LRRC37A3: variants seen among roughly 807,000 people sequenced by gnomAD.
LRRC37A3 encodes the protein leucine rich repeat containing 37 member A3.
LRRC37A3 carries 25 observed loss-of-function variants against 106.2 expected under a neutral mutation model. The ratio of observed to expected loss-of-function variants is 0.24; its 90% CI spans 0.17 to 0.33. The LOEUF (loss-of-function observed/expected upper bound fraction) is 0.33. LRRC37A3 is among the 10% of genes least tolerant of loss of function. The pLI, the probability that LRRC37A3 is intolerant of heterozygous loss-of-function variation, is 1.00. For synonymous variants in LRRC37A3, 305 were observed against 635.8 expected (o/e 0.48, Z 7.83); for missense variants, 712 against 1,644.9 (o/e 0.43, Z 9.81).
Position 64,860,186 on chromosome 17 carries a change from C to T in LRRC37A3, c.3960G>A (p.Lys1320=), listed in dbSNP as rs1173908186. The T allele has an allele frequency of 6.2e-7, 1 of 1,613,918 alleles. No homozygotes were observed. The highest frequency in any genetic ancestry group is 1.1e-5 in the South Asian group (1 of 91,076). The part of the protein sequence containing the change: ...TRSRMTHRTP[K]VKKSPKVRKK... ...TTCTGACCTTTGGACTCTTTTTGAC[C>T]TTGGGTGTTCTGTGGGTCATGCGGG... Residue 1320 remains lysine (K), a synonymous_variant, in exon 12 of 15, where the codon AAG becomes AAA. Coordinates refer to ENST00000584306, the MANE Select transcript of LRRC37A3 (RefSeq NM_199340.5).
intron 8 of LRRC37A3, among the ~76,000 whole-genome samples, chr17:64,875,118 A>C (rs1216089022): frequency 6.6e-6 from 1 of 152,164 alleles, no homozygotes; most frequent in Non-Finnish European, 1.5e-5. Context: ...AAACAAAAAC[A>C]ACAACAAAAA....
chr17:64,854,499 T>C lies in LRRC37A3; in HGVS notation c.*100A>G, dbSNP rs933545725. ...CTGTGCTTGCTCTGCCCGCTGCCTC[T>C]GTGGATGTGTGGGCCGCTGGCTTCA... On this transcript the variant is annotated 3_prime_UTR_variant, in exon 15 of 15. Transcript: ENST00000584306. 46 of 1,555,914 alleles carry C rather than the reference T, an allele frequency of 3.0e-5. No homozygotes were observed. Among genetic ancestry groups the C allele is most frequent in the Non-Finnish European group, 3.9e-5 (44 of 1,128,890 alleles).
chr17:64,898,953 C>G (rs1456549144), intron 2 of LRRC37A3: 1 of 612,228 alleles, frequency 1.6e-6, no homozygotes, highest in Non-Finnish European at 2.0e-6. Flanking sequence ...TATACTTACA[C>G]AAACCTAGGT....
intron 10 of LRRC37A3, among the ~76,000 whole-genome samples, chr17:64,866,159 C>G (rs1973063102): frequency 6.6e-6 from 1 of 151,414 alleles, no homozygotes; most frequent in Non-Finnish European, 1.5e-5. Flanking sequence ...TTTTTCCTAT[C>G]CAATAATGGT....
intron 10 of LRRC37A3, among the ~76,000 whole-genome samples, chr17:64,866,668 T>G (rs1973120959): frequency 8.6e-6 from 1 of 116,442 alleles, no homozygotes; most frequent in African/African-American, 3.2e-5. Flanking sequence ...TCTTGCTCTG[T>G]CACCCAAGCT....
intron 2 of LRRC37A3, among the ~76,000 whole-genome samples, chr17:64,913,433 C>T (rs1306220853): frequency 3.9e-5 from 6 of 152,016 alleles, no homozygotes; most frequent in South Asian, 4.1e-4. Flanking sequence ...ATCCAACTCC[C>T]GGATTCAAGT....
rs549097256 is a variant in LRRC37A3, at chr17:64,872,212, A to C, written c.2907-3046T>G. On this transcript the variant is annotated intron_variant, in intron 8 of 14. Coordinates refer to ENST00000584306, the MANE Select transcript of LRRC37A3 (RefSeq NM_199340.5). ...GCAACAAATACCAAAAAAATAGCCA[A>C]AAAAAAAAAAAAAAAAAAATTGACC... Among the ~76,000 whole-genome samples the C allele has an allele frequency of 5.0e-4, 64 of 127,496 alleles. 1 individual carries two copies. The South Asian group carries it at 0.013, about 26-fold the overall frequency. 83.6% of individuals were successfully genotyped at this position (127,496 alleles called of 152,430 possible).
intron 8 of LRRC37A3, among the ~76,000 whole-genome samples, chr17:64,876,357 A>T (rs1355807021): frequency 4.0e-5 from 6 of 151,676 alleles, no homozygotes; most frequent in South Asian, 2.1e-4. Flanking sequence ...TAACTTTTAA[A>T]TTTTTTTTGT....
intron 8 of LRRC37A3, among the ~76,000 whole-genome samples, chr17:64,870,211 C>T (rs1973267642): frequency 1.3e-5 from 2 of 152,060 alleles, no homozygotes; most frequent in East Asian, 3.9e-4. Flanking sequence ...CTGCCTTAGC[C>T]TCCCAAGTAG....
At position 64,855,889 on chromosome 17, in the gene LRRC37A3, T is replaced by C; in HGVS notation, c.4810A>G (p.Ile1604Val). The change falls in exon 14 of 15, where the codon ATC (isoleucine) becomes GTC (valine). Residue 1604 changes from isoleucine to valine, a missense_variant and splice_region_variant. Coordinates refer to ENST00000584306, the MANE Select transcript of LRRC37A3 (RefSeq NM_199340.5). ...TGTAATGACCTTCGGTGACAACAGA[T>C]CTGTTTTAGAAGAAAACGCAATTAA... ...ILIILLCLIE[I>V]CCHRRSLQED... The C allele has an allele frequency of 6.2e-7, 1 of 1,611,808 alleles. No individual in the cohort carries two copies. The highest frequency in any genetic ancestry group is 1.3e-5 in the African/African-American group (1 of 74,970).
intron 2 of LRRC37A3, among the ~76,000 whole-genome samples, chr17:64,901,596 AG>A (rs1243871981): frequency 2.8e-5 from 4 of 142,918 alleles, no homozygotes; most frequent in Admixed American, 2.7e-4. Context: ...CATACTAGGG[AG>A]GGGTAGACAA....
At chr17:64,904,347 C>T (rs542169899) in intron 2 of LRRC37A3, among the ~76,000 whole-genome samples, 8 of 152,360 alleles carry the variant, frequency 5.3e-5, no homozygotes, top group East Asian at 1.9e-4. Flanking sequence ...TGGTGGCGCA[C>T]GCCTGTAGTC....
intron 2 of LRRC37A3, among the ~76,000 whole-genome samples, chr17:64,915,856 G>C (rs1271945777): frequency 6.6e-6 from 1 of 152,170 alleles, no homozygotes; most frequent in African/African-American, 2.4e-5. Context: ...CCAGCACTTT[G>C]GGAGGCCAAG....
rs1301390353 is a variant in LRRC37A3 at position 64,883,000 on chromosome 17, T to TA, written c.2906+3085dup. Among the ~76,000 whole-genome samples the TA allele has an allele frequency of 2.0e-5, 3 of 150,944 alleles. No homozygotes were observed. In the East Asian group the frequency reaches 5.9e-4, roughly 30 times the overall value. On this transcript the variant is annotated intron_variant, in intron 8 of 14. Coordinates refer to ENST00000584306, the MANE Select transcript of LRRC37A3 (RefSeq NM_199340.5). ...GTATAGGAATGAAGGAGAAGCACTTTAAAGTCAGGGAAAAAATATAAACAT... is the reference window on the plus strand; with the variant it reads ...GTATAGGAATGAAGGAGAAGCACTTTAAAAGTCAGGGAAAAAATATAAACAT...
rs1352768930 is a variant in LRRC37A3 at position 64,897,358 on chromosome 17, G to T, written c.-101C>A. The T allele has an allele frequency of 1.3e-6, 2 of 1,588,482 alleles. No individual in the cohort carries two copies. Among genetic ancestry groups the T allele is most frequent in the African/African-American group, 3.0e-5 (2 of 66,326 alleles). On this transcript the variant is annotated 5_prime_UTR_variant, in exon 4 of 15. Transcript: ENST00000584306. ...CACAGATCTGCTCCATGTCACCAGG[G>T]CACTCTTATGTCACAATCCCGCCCA...
At chr17:64,881,147 C>T in intron 8 of LRRC37A3, 1 of 700,980 alleles carries the variant, frequency 1.4e-6, no homozygotes, top group Non-Finnish European at 2.6e-6. Context: ...CCACACCAAG[C>T]TCCTCCATAC....
chr17:64,855,235 A>G (rs1438637493), intron 14 of LRRC37A3, among the ~76,000 whole-genome samples: 2 of 151,916 alleles, frequency 1.3e-5, no homozygotes, highest in African/African-American at 4.8e-5. Context: ...AAAAAAAAAA[A>G]GAAATAAAAG....
At chr17:64,874,722 C>T (rs1030844914) in intron 8 of LRRC37A3, among the ~76,000 whole-genome samples, 6 of 152,240 alleles carry the variant, frequency 3.9e-5, no homozygotes, top group African/African-American at 1.4e-4. Context: ...AAGAAGTAGA[C>T]ATAGGAGACT....
intron 8 of LRRC37A3, among the ~76,000 whole-genome samples, chr17:64,877,732 G>GAC (rs921944951): frequency 1.3e-5 from 2 of 152,148 alleles, no homozygotes; most frequent in African/African-American, 4.8e-5. Context: ...AAAGTGGGAA[G>GAC]ACACAAATGT....
Sources: allele counts gnomAD v4.1 joint callset (sites outside exome capture counted in the v4.1 genomes callset), GRCh38; gene constraint gnomAD v4.1.1; transcripts MANE v1.5; gene names NCBI Gene and HGNC (gene_info 2026-07-23, HGNC 2026-07-21).